MAGI2: variants seen among roughly 807,000 people sequenced by gnomAD.
MAGI2 encodes the protein membrane-associated guanylate kinase, WW and PDZ domain-containing protein 2.
MAGI2 carries 35 observed loss-of-function variants against 133.3 expected under a neutral mutation model. The ratio of observed to expected loss-of-function variants is 0.26; its 90% confidence interval spans 0.20 to 0.35. The LOEUF (loss-of-function observed/expected upper bound fraction) is 0.35. Ranked by LOEUF, MAGI2 falls within the 10% of genes least tolerant of loss-of-function variation. The pLI is 1.00. For missense variants in MAGI2, 1,636 were observed against 1,863.4 expected, an observed-to-expected ratio of 0.88 and a Z score of 2.25; for synonymous variants, 729 against 710.6, an observed-to-expected ratio of 1.03 and a Z score of -0.41.
At position 78,945,726 on chromosome 7, in the gene MAGI2, A is replaced by G. The variant is rs141164304; in HGVS notation, c.418+61364T>C. Among the ~76,000 whole-genome samples, 497 of 152,168 alleles carry G rather than the reference A, an allele frequency of 3.3e-3. 3 individuals carry two copies. Among genetic ancestry groups the G allele is most frequent in the African/African-American group, 0.011 (445 of 41,524 alleles). ...TTTCTCTGCTGCTTTGCCACTTCTG[A>G]TCTTCAGAAGAGTCTCTGTTTCTCA... On this transcript the variant is annotated intron_variant, in intron 2 of 21. Transcript: ENST00000354212.
At chr7:79,225,948 G>C (rs1020969187) in intron 1 of MAGI2, among the ~76,000 whole-genome samples, 9 of 152,170 alleles carry the variant, frequency 5.9e-5, no homozygotes, top group Admixed American at 2.0e-4. Flanking sequence ...AATGTGAGGT[G>C]CTTGGCTGCC....
At chr7:79,331,809 T>A (rs899574344) in intron 1 of MAGI2, among the ~76,000 whole-genome samples, 3 of 152,102 alleles carry the variant, frequency 2.0e-5, no homozygotes, top group African/African-American at 7.2e-5. Flanking sequence ...GGTATCATTT[T>A]TCGCCTAAAA....
chr7:79,185,241 T>C (rs1360749515), intron 1 of MAGI2, among the ~76,000 whole-genome samples: 3 of 151,930 alleles, frequency 2.0e-5, no homozygotes, highest in African/African-American at 7.3e-5. Context: ...ACTCCATTGG[T>C]ATCTTTCTAG....
chr7:78,427,815 A>G (rs1051101711), intron 6 of MAGI2, among the ~76,000 whole-genome samples: 1 of 152,246 alleles, frequency 6.6e-6, no homozygotes, highest in African/African-American at 2.4e-5. Flanking sequence ...CATATCTACA[A>G]TGTTTTTACA....
intron 9 of MAGI2, among the ~76,000 whole-genome samples, chr7:78,282,065 G>T (rs1016374465): frequency 6.6e-6 from 1 of 152,012 alleles, no homozygotes; most frequent in Non-Finnish European, 1.5e-5. Flanking sequence ...CTTCATCTAT[G>T]AAACAGACAT....
At chr7:78,217,322 A>C (rs943696395) in intron 10 of MAGI2, among the ~76,000 whole-genome samples, 1 of 152,228 alleles carries the variant, frequency 6.6e-6, no homozygotes, top group Non-Finnish European at 1.5e-5. Context: ...TATGGGTTTA[A>C]TTTCCTGAGG....
At chr7:79,062,780 C>T (rs150168897) in intron 1 of MAGI2, among the ~76,000 whole-genome samples, 1 of 152,192 alleles carries the variant, frequency 6.6e-6, no homozygotes, top group East Asian at 1.9e-4. Flanking sequence ...TACTCCCATC[C>T]GTGTTCTGAC....
At chr7:78,419,590 T>C (rs1217720923) in intron 6 of MAGI2, among the ~76,000 whole-genome samples, 1 of 113,470 alleles carries the variant, frequency 8.8e-6, no homozygotes, top group African/African-American at 3.5e-5. Context: ...GAGTCTGGGA[T>C]TGAGCAGTGA....
chr7:78,870,654 G>A (rs1375013330), intron 2 of MAGI2, among the ~76,000 whole-genome samples: 1 of 152,096 alleles, frequency 6.6e-6, no homozygotes, highest in Non-Finnish European at 1.5e-5. Context: ...TCCGTAAAGA[G>A]GTAAAAGCAG....
At chr7:78,952,019 G>A (rs1354547236) in intron 2 of MAGI2, among the ~76,000 whole-genome samples, 1 of 152,008 alleles carries the variant, frequency 6.6e-6, no homozygotes, top group Non-Finnish European at 1.5e-5. Context: ...TTTTTCAATG[G>A]CTCTTCCTTC....
At chr7:79,414,254 G>A (rs950638796) in intron 1 of MAGI2, 1 of 152,142 alleles carries the variant, frequency 6.6e-6, no homozygotes, top group South Asian at 2.1e-4. Context: ...GATGGATCAT[G>A]TTCTTATGGC....
chr7:79,097,658 A>G (rs1817633540), intron 1 of MAGI2, among the ~76,000 whole-genome samples: 1 of 152,222 alleles, frequency 6.6e-6, no homozygotes, highest in Non-Finnish European at 1.5e-5. Flanking sequence ...GAAGTACTGC[A>G]TATAGGAAAA....
chr7:79,335,249 G>A (rs1198832088), intron 1 of MAGI2, among the ~76,000 whole-genome samples: 1 of 152,054 alleles, frequency 6.6e-6, no homozygotes, highest in Admixed American at 6.6e-5. Flanking sequence ...TTTATTTTTA[G>A]CAGAGCAGAG....
chr7:79,010,760 C>T (rs1352093766), intron 1 of MAGI2, among the ~76,000 whole-genome samples: 1 of 151,872 alleles, frequency 6.6e-6, no homozygotes, highest in African/African-American at 2.4e-5. Context: ...TAACTATTGA[C>T]TTATTTAGTT....
chr7:78,447,492 C>G (rs1788271421), intron 6 of MAGI2, among the ~76,000 whole-genome samples: 1 of 151,998 alleles, frequency 6.6e-6, no homozygotes, highest in Non-Finnish European at 1.5e-5. Flanking sequence ...GTTTAGCATA[C>G]TGCCTGACAC....
chr7:78,083,301 G>C (rs1160747923), intron 20 of MAGI2, among the ~76,000 whole-genome samples: 2 of 144,332 alleles, frequency 1.4e-5, no homozygotes, highest in Non-Finnish European at 3.0e-5. Context: ...CATTCTTAGA[G>C]TATTTTTAAA....
At chr7:78,807,419 G>A (rs1278572330) in intron 2 of MAGI2, among the ~76,000 whole-genome samples, 1 of 151,872 alleles carries the variant, frequency 6.6e-6, no homozygotes, top group Admixed American at 6.6e-5. Flanking sequence ...TTAATGTCTG[G>A]GTTAATAGGA....
At chr7:78,614,853 C>T (rs1023824102) in intron 3 of MAGI2, 1 of 152,142 alleles carries the variant, frequency 6.6e-6, no homozygotes, top group Non-Finnish European at 1.5e-5. Context: ...GAAGTCCAAA[C>T]TTTTGAATTT....
Position 79,376,816 on chromosome 7 carries a change from TTG to T in MAGI2, c.301+76202_301+76203del, listed in dbSNP as rs140364258. The stretch of plus-strand genomic sequence containing the variant: ...AGTGAAACCACAGATAAGAGAGGAT[TTG>T]TGTGTGTGTGTGTGTGTGTGTGGGT... On this transcript the variant is annotated intron_variant, in intron 1 of 21. Transcript: ENST00000354212. 5.5e-3 allele frequency among the ~76,000 whole-genome samples: 439 copies of T among 79,618 alleles called. 3 individuals are homozygous for T. The highest frequency in any genetic ancestry group is 0.018 in the African/African-American group (341 of 18,886). 52.2% of individuals were successfully genotyped at this position (79,618 alleles called of 152,430 possible). A position where few individuals can be genotyped will look rare whatever the true frequency, so the allele number is the denominator to read the frequency against.
Sources: allele counts gnomAD v4.1 joint callset (sites outside exome capture counted in the v4.1 genomes callset), GRCh38; gene constraint gnomAD v4.1.1; transcripts MANE v1.5; gene names NCBI Gene and HGNC (gene_info 2026-07-23, HGNC 2026-07-21).